MYB: variants seen among roughly 807,000 people sequenced by gnomAD.
MYB encodes the protein MYB proto-oncogene, transcription factor.
In MYB, 28 loss-of-function variants were observed where a neutral mutation model predicts 92.9. That is an observed-to-expected ratio of 0.30 (90% confidence interval 0.22 to 0.41). The LOEUF (loss-of-function observed/expected upper bound fraction) is 0.41, where lower values mean the gene tolerates loss of function less well. Ranked by LOEUF, MYB falls within the 10% of genes least tolerant of loss-of-function variation. The pLI is 1.00. For missense variants in MYB, 679 were observed against 929.3 expected, an observed-to-expected ratio of 0.73 and a Z score of 3.50; for synonymous variants, 295 against 329.1, an observed-to-expected ratio of 0.90 and a Z score of 1.12.
chr6:135,186,952 G>A (rs1775995983), intron 2 of MYB, among the ~76,000 whole-genome samples: 1 of 152,162 alleles, frequency 6.6e-6, no homozygotes, highest in Non-Finnish European at 1.5e-5. Context: ...CAGGCAGGTA[G>A]GATTCCCAGA....
chr6:135,189,971 T>C (rs562561685), intron 4 of MYB, 88 bp downstream of exon 4: 1 of 1,448,736 alleles, frequency 6.9e-7, no homozygotes. Context: ...GCAGGTAAAA[T>C]GGGCAAACAG....
rs186465757 is a variant in MYB at position 135,205,987 on chromosome 6, C to T, written c.2169+2663C>T. 7.2e-4 allele frequency among the ~76,000 whole-genome samples: 109 copies of T among 151,866 alleles called. 1 individual carries two copies. The East Asian group carries it at 0.019, about 27-fold the overall frequency. ...TTTGGAGGCCGAGGTGGGCGGATCA[C>T]GAGGTCAGGAGATCGAGACCATCCT... On this transcript the variant is annotated intron_variant, in intron 15 of 15. Transcript: ENST00000341911.
At chr6:135,215,744 C>T (rs1357898068) in intron 15 of MYB, among the ~76,000 whole-genome samples, 1 of 152,074 alleles carries the variant, frequency 6.6e-6, no homozygotes, top group Non-Finnish European at 1.5e-5. Flanking sequence ...GACATCCCTG[C>T]GTTTCCACCT....
At chr6:135,194,256 T>C in intron 7 of MYB, 100 bp from the exon 8 acceptor site, 1 of 863,582 alleles carries the variant, frequency 1.2e-6, no homozygotes. Context: ...GTGAGGCTCT[T>C]TGGGCTGTGC....
At chr6:135,203,888 T>C in intron 15 of MYB, 2 of 1,187,614 alleles carry the variant, frequency 1.7e-6, no homozygotes, top group African/African-American at 1.6e-5. Context: ...GAGATTTCCC[T>C]TGTAACCCTA....
chr6:135,208,106 T>A (rs1220874235), intron 15 of MYB, among the ~76,000 whole-genome samples: 5 of 147,208 alleles, frequency 3.4e-5, no homozygotes, highest in African/African-American at 1.3e-4. Flanking sequence ...TGAGACAGCG[T>A]CTTGTTCTGT....
rs1776737582 is a variant in MYB at position 135,192,410 on chromosome 6, C to G, written c.614C>G (p.Ala205Gly). Reference sequence around the variant, plus strand: ...GGTTATCTGCAGGAGTCTTCAAAAGCCAGCCAGCCAGCAGTGGCCACAAGC... The same window carrying G: ...GGTTATCTGCAGGAGTCTTCAAAAGGCAGCCAGCCAGCAGTGGCCACAAGC... ...QEGYLQESSK[A>G]SQPAVATSFQ... Residue 205 changes from alanine (A) to glycine (G), a missense_variant, in exon 6 of 16, where the codon GCC becomes GGC. This residue lies in a region of MYB where 37 missense variants were observed against 98.0 expected (regional missense o/e 0.38). Coordinates refer to ENST00000341911, the MANE Select transcript of MYB (RefSeq NM_001130173.2). The G allele has an allele frequency of 6.2e-7, 1 of 1,614,206 alleles. No individual in the cohort carries two copies. Among genetic ancestry groups the G allele is most frequent in the East Asian group, 2.2e-5 (1 of 44,878 alleles).
chr6:135,181,416 C>T lies in MYB; in HGVS notation c.-98C>T. On this transcript the variant is annotated 5_prime_UTR_variant, in exon 1 of 16. Coordinates refer to ENST00000341911, the MANE Select transcript of MYB (RefSeq NM_001130173.2). This position sits in a 1 kb window ranked among gnomAD's most constrained non-coding sequence, Gnocchi z 5.3. ...GCCCCAGCGGTGCGGAGCGCCGCTG[C>T]GCAGCCGGGGAGGGACGCAGGCAGG... is the stretch of plus-strand genomic sequence containing the variant. 3 of 864,172 alleles carry T rather than the reference C, an allele frequency of 3.5e-6. No individual in the cohort carries two copies. Among genetic ancestry groups the T allele is most frequent in the South Asian group, 4.4e-5 (1 of 22,942 alleles). 53.5% of individuals were successfully genotyped at this position (864,172 alleles called of 1,614,324 possible).
At chr6:135,195,322 T>C in intron 8 of MYB, 1 of 277,618 alleles carries the variant, frequency 3.6e-6, no homozygotes, top group South Asian at 3.8e-5. Context: ...AACAAGAATA[T>C]GTGTAGATCA....
chr6:135,208,081 A>ATTTTTTTTTTAAT (rs562573028), intron 15 of MYB, among the ~76,000 whole-genome samples: 10 of 135,588 alleles, frequency 7.4e-5, no homozygotes, highest in South Asian at 2.3e-4. Context: ...TTTTTTTTTA[A>ATTTTTTTTTTAAT]TTTTTTTTTT....
At chr6:135,198,830 C>A in intron 10 of MYB, 78 bp from the exon 11 acceptor site, 2 of 1,165,528 alleles carry the variant, frequency 1.7e-6, no homozygotes, top group Non-Finnish European at 2.5e-6. Context: ...TTCTTGTTAT[C>A]TAGGTGTGAT....
Position 135,203,269 on chromosome 6 carries a change from A to G in MYB, c.2114A>G (p.Asn705Ser). The G allele has an allele frequency of 1.2e-6, 2 of 1,612,148 alleles. No homozygotes were observed. Among genetic ancestry groups the G allele is most frequent in the South Asian group, 1.1e-5 (1 of 91,010 alleles). ...GCACCAGCATCAGAAGATGAAGACA[A>G]TGTTCTCAAAGCATTTACAGTACCT... ...LMAPASEDED[N>S]VLKAFTVPKN... Residue 705 changes from asparagine (N) to serine (S), a missense_variant, in exon 15 of 16, where the codon AAT (asparagine) becomes AGT (serine). Asn to Ser is a conservative substitution (Grantham distance 46, BLOSUM62 1). Transcript: ENST00000341911.
intron 1 of MYB, among the ~76,000 whole-genome samples, chr6:135,184,518 G>C (rs1775667485): frequency 1.3e-5 from 2 of 151,694 alleles, no homozygotes. Flanking sequence ...TGGTGGTGGT[G>C]GTATTTTAAA....
intron 11 of MYB, chr6:135,199,405 A>G: frequency 3.5e-6 from 1 of 288,496 alleles, no homozygotes; most frequent in Non-Finnish European, 5.6e-6. Context: ...AAGCTTCAGA[A>G]TAAGAACGAG....
At chr6:135,191,869 G>A (rs774876212) in intron 5 of MYB, among the ~76,000 whole-genome samples, 8 of 152,186 alleles carry the variant, frequency 5.3e-5, no homozygotes, top group African/African-American at 1.4e-4. Flanking sequence ...GATAAAGAGT[G>A]AAGTATTCTT....
Position 135,182,303 on chromosome 6 carries a change from A to G in MYB, c.23+767A>G, listed in dbSNP as rs970845371. Among the ~76,000 whole-genome samples the G allele has an allele frequency of 6.6e-6, 1 of 152,182 alleles. No homozygotes were observed. Among genetic ancestry groups the G allele is most frequent in the Non-Finnish European group, 1.5e-5 (1 of 68,012 alleles). On this transcript the variant is annotated intron_variant, in intron 1 of 15. Coordinates refer to ENST00000341911, the MANE Select transcript of MYB (RefSeq NM_001130173.2). The surrounding 1 kb of genome is among the most constrained non-coding windows in gnomAD (Gnocchi z 5.6). ...CCGGACAGATGGGAAGAGGGAGAGG[A>G]GGAGGAGGAGGGAAATCCTCGTCCG...
In MYB at chr6:135,189,899, AT is replaced by A. The variant is rs1172256909; in HGVS notation, c.306+18del. 6.2e-7 allele frequency: 1 copy of A among 1,600,044 alleles called. No homozygotes were observed. The highest frequency in any genetic ancestry group is 8.6e-7 in the Non-Finnish European group (1 of 1,168,282). On this transcript the variant is annotated intron_variant, in intron 4 of 15. Transcript: ENST00000341911. ...AGATCAGAGAGTAAGTTCTTTCTTC[AT>A]TGGTGTGTGACTCATAATTAAGAAT...
At chr6:135,200,249 G>A (rs1310419537) in intron 12 of MYB, 41 bp from the exon 13 acceptor site, 2 of 1,613,856 alleles carry the variant, frequency 1.2e-6, no homozygotes, top group African/African-American at 1.3e-5. Context: ...AGTCCCATTA[G>A]GAGTTCTCTC....
intron 3 of MYB, among the ~76,000 whole-genome samples, chr6:135,188,954 C>T (rs947552840): frequency 6.6e-6 from 1 of 152,196 alleles, no homozygotes; most frequent in Non-Finnish European, 1.5e-5. Flanking sequence ...CACAGAGGCC[C>T]TCCTCTATTG....
Sources: allele counts gnomAD v4.1 joint callset (sites outside exome capture counted in the v4.1 genomes callset), GRCh38; gene constraint gnomAD v4.1.1; regional missense constraint gnomAD v4.1.1; non-coding constraint Gnocchi (gnomAD v3.1); transcripts MANE v1.5; gene names NCBI Gene and HGNC (gene_info 2026-07-23, HGNC 2026-07-21).